BPIFA2: variants seen among roughly 807,000 people sequenced by gnomAD.
BPIFA2 encodes the protein BPI fold containing family A member 2.
BPIFA2 carries 20 observed loss-of-function variants against 25.7 expected under a neutral mutation model. That is an observed-to-expected ratio of 0.78 (90% CI 0.55 to 1.13). BPIFA2 has a LOEUF of 1.13. BPIFA2 is among the 50% of genes most tolerant of loss of function. The pLI is 0.00. For synonymous variants in BPIFA2, 126 were observed against 124.3 expected (o/e 1.01, Z -0.09); for missense variants, 300 against 298.1 (o/e 1.01, Z -0.05).
intron 5 of BPIFA2, among the ~76,000 whole-genome samples, chr20:33,176,378 TGGGGCTA>T (rs1357410219): frequency 2.0e-4 from 30 of 152,254 alleles, no homozygotes; most frequent in African/African-American, 6.5e-4. Flanking sequence ...AGCTGAGGGC[TGGGGCTA>T]CTTGGCCTTG....
At chr20:33,178,493 T>A (rs1460125617) in intron 6 of BPIFA2, among the ~76,000 whole-genome samples, 1 of 152,234 alleles carries the variant, frequency 6.6e-6, no homozygotes, top group East Asian at 1.9e-4. Context: ...GTAGCTAACA[T>A]CTTCAACACA....
At position 33,169,152 on chromosome 20, in the gene BPIFA2, C is replaced by T; in HGVS notation, c.7C>T (p.Gln3Ter). The T allele has an allele frequency of 6.2e-7, 1 of 1,614,066 alleles. No homozygotes were observed. The highest frequency in any genetic ancestry group is 8.5e-7 in the Non-Finnish European group (1 of 1,179,928). Residue 3 changes from glutamine (Q) to a stop codon, truncating the protein, a stop_gained, in exon 2 of 9, where the codon CAG becomes TAG. Coordinates refer to ENST00000354932, the MANE Select transcript of BPIFA2 (RefSeq NM_080574.4). LOFTEE classifies it high-confidence loss of function. ML[Q>*]LWKLVLLCGV... is the part of the protein sequence containing the mutation. Reference sequence around the variant, plus strand: ...CCAGGTGTCAAGACAAAAGATGCTTCAGCTTTGGAAACTTGTTCTCCTGTG... The same window carrying T: ...CCAGGTGTCAAGACAAAAGATGCTTTAGCTTTGGAAACTTGTTCTCCTGTG...
At chr20:33,169,961 G>C (rs1983845779) in intron 2 of BPIFA2, among the ~76,000 whole-genome samples, 1 of 151,998 alleles carries the variant, frequency 6.6e-6, no homozygotes, top group Non-Finnish European at 1.5e-5. Context: ...AAATAACTTG[G>C]CTTTCTTTTT....
upstream of BPIFA2, among the ~76,000 whole-genome samples, chr20:33,163,791 T>C (rs752114361): frequency 9.2e-6 from 1 of 108,442 alleles, no homozygotes; most frequent in Non-Finnish European, 1.6e-5. Flanking sequence ...TTGTTTAAAA[T>C]ATATATATAT....
chr20:33,179,138 C>G lies in BPIFA2; in HGVS notation c.646-466C>G, dbSNP rs538612021. 2.8e-4 allele frequency among the ~76,000 whole-genome samples: 43 copies of G among 152,104 alleles called. 1 individual carries two copies. In the South Asian group the frequency reaches 8.5e-3, roughly 30 times the overall value. ...GCTGGGATCCCATTGTTCTAAAATC[C>G]TAAGGTTCAGGCCAGGCGCGGTGGC... is the stretch of plus-strand genomic sequence containing the variant. On this transcript the variant is annotated intron_variant, in intron 6 of 8. Coordinates refer to ENST00000354932, the MANE Select transcript of BPIFA2 (RefSeq NM_080574.4).
Position 33,172,954 on chromosome 20 carries a change from C to T in BPIFA2, c.180C>T (p.Val60=), listed in dbSNP as rs58172152. Residue 60 remains valine, a synonymous_variant, in exon 3 of 9, where the codon GTC becomes GTT. Coordinates refer to ENST00000354932, the MANE Select transcript of BPIFA2 (RefSeq NM_080574.4). ...TLKGILEKLK[V]DLGVLQKSSA... Reference sequence around the variant, plus strand: ...CAGGCATCCTTGAGAAACTGAAGGTCGACCTAGGAGTGCTTCAGAAATCCA... The same window carrying T: ...CAGGCATCCTTGAGAAACTGAAGGTTGACCTAGGAGTGCTTCAGAAATCCA... 3.3e-3 allele frequency: 5,317 copies of T among 1,612,054 alleles called. 144 individuals are homozygous for T. In the African/African-American group the frequency reaches 0.063, roughly 19 times the overall value.
At chr20:33,169,405 T>C in intron 2 of BPIFA2, 103 bp downstream of exon 2, 1 of 1,202,746 alleles carries the variant, frequency 8.3e-7, no homozygotes, top group Non-Finnish European at 1.2e-6. Context: ...TTATGGGCGG[T>C]TTACTGAGAA....
chr20:33,179,487 A>G, intron 6 of BPIFA2, 117 bp from the exon 7 acceptor site: 1 of 821,936 alleles, frequency 1.2e-6, no homozygotes, highest in Non-Finnish European at 2.1e-6. Flanking sequence ...CAAAGATTCT[A>G]AGATCCCTAG....
At chr20:33,172,805 T>C in intron 2 of BPIFA2, 127 bp from the exon 3 acceptor site, 1 of 1,044,994 alleles carries the variant, frequency 9.6e-7, no homozygotes, top group Non-Finnish European at 1.4e-6. Flanking sequence ...AGTGACAATA[T>C]CTACTTCACT....
chr20:33,168,762 A>G (rs1425490002), intron 1 of BPIFA2, among the ~76,000 whole-genome samples: 1 of 152,224 alleles, frequency 6.6e-6, no homozygotes, highest in Non-Finnish European at 1.5e-5. Flanking sequence ...GACTCCTCCA[A>G]CCTAGAATCT....
chr20:33,173,728 T>C (rs1983980310), intron 3 of BPIFA2, among the ~76,000 whole-genome samples: 1 of 152,212 alleles, frequency 6.6e-6, no homozygotes, highest in African/African-American at 2.4e-5. Context: ...GGTCTCGAAC[T>C]CCCGACCTCA....
chr20:33,177,810 C>T (rs897406176), intron 5 of BPIFA2, among the ~76,000 whole-genome samples: 2 of 152,080 alleles, frequency 1.3e-5, no homozygotes, highest in African/African-American at 4.8e-5. Flanking sequence ...TGTTTAGGTA[C>T]CAGGTTAGGG....
Position 33,178,130 on chromosome 20 carries a change from T to C in BPIFA2, c.564-17T>C, listed in dbSNP as rs1984145353. ...TGCCCACTTGACCAGACTTTAATAG[T>C]TCCCTGTGTTTTCCAGACACAGCCA... is the stretch of plus-strand genomic sequence containing the variant. On this transcript the variant is annotated splice_polypyrimidine_tract_variant and intron_variant, in intron 5 of 8. Transcript: ENST00000354932. The C allele has an allele frequency of 1.9e-6, 3 of 1,577,394 alleles. No individual in the cohort carries two copies. The highest frequency in any genetic ancestry group is 8.7e-7 in the Non-Finnish European group (1 of 1,149,934).
rs755614155 is a variant in BPIFA2 at position 33,180,551 on chromosome 20, C to T, written c.741C>T (p.Thr247=). The T allele has an allele frequency of 5.6e-6, 9 of 1,613,364 alleles. No homozygotes were observed. The highest frequency in any genetic ancestry group is 5.9e-6 in the Non-Finnish European group (7 of 1,179,388). ...DNPQHKTQLQ[T]LI ...CTCAGCACAAAACCCAGCTGCAAAC[C>T]CTCATCTGAAGAGGACGAATGAGGA... Residue 247 remains threonine (T), a synonymous_variant, in exon 8 of 9, where the codon ACC becomes ACT. Transcript: ENST00000354932.
chr20:33,169,046 T>C (rs1216526285), intron 1 of BPIFA2, 85 bp from the exon 2 acceptor site: 2 of 1,207,606 alleles, frequency 1.7e-6, no homozygotes, highest in African/African-American at 3.1e-5. Flanking sequence ...AATGGAATGC[T>C]AAATGTTAAG....
At chr20:33,166,546 C>T (rs1983731615), upstream of BPIFA2, among the ~76,000 whole-genome samples, 1 of 152,228 alleles carries the variant, frequency 6.6e-6, no homozygotes, top group Admixed American at 6.5e-5. Flanking sequence ...TGTTCTTAGT[C>T]CCATTTCACA....
At chr20:33,171,849 A>G (rs1329432895) in intron 2 of BPIFA2, among the ~76,000 whole-genome samples, 1 of 152,230 alleles carries the variant, frequency 6.6e-6, no homozygotes, top group Non-Finnish European at 1.5e-5. Flanking sequence ...AAGGATCTAG[A>G]ACCAGAAATA....
upstream of BPIFA2, among the ~76,000 whole-genome samples, chr20:33,164,767 G>A (rs1185916611): frequency 6.6e-6 from 1 of 152,082 alleles, no homozygotes; most frequent in Non-Finnish European, 1.5e-5. Context: ...AGCTCTGGGG[G>A]AACGAAGGTG....
chr20:33,168,168 TG>T lies in BPIFA2; in HGVS notation c.-56del, dbSNP rs1983781355. The T allele has an allele frequency of 6.6e-6, 1 of 152,232 alleles. No individual in the cohort carries two copies. Among genetic ancestry groups the T allele is most frequent in the African/African-American group, 2.4e-5 (1 of 41,436 alleles). 9.4% of individuals were successfully genotyped at this position (152,232 alleles called of 1,614,324 possible). On this transcript the variant is annotated 5_prime_UTR_variant, in exon 1 of 9. Coordinates refer to ENST00000354932, the MANE Select transcript of BPIFA2 (RefSeq NM_080574.4). ...CATTCAGCAGAATCCCAGCAGACTGTGCAGTGGGGCAAGGATTTCATGAGCA... is the reference window on the plus strand; with the variant it reads ...CATTCAGCAGAATCCCAGCAGACTGTCAGTGGGGCAAGGATTTCATGAGCA...
Sources: allele counts gnomAD v4.1 joint callset (sites outside exome capture counted in the v4.1 genomes callset), GRCh38; gene constraint gnomAD v4.1.1; transcripts MANE v1.5; gene names NCBI Gene and HGNC (gene_info 2026-07-23, HGNC 2026-07-21).